The following NRXN3 variants were observed in gnomAD, a reference collection of about 807,000 sequenced individuals.
The protein encoded by NRXN3 is neurexin 3, also known as neurexin III.
A neutral mutation model predicts 137.6 loss-of-function variants in NRXN3; 32 were observed. That is an observed-to-expected ratio of 0.23 (90% CI 0.18 to 0.31). The LOEUF is 0.31. Among genes scored for constraint, NRXN3 ranks in the 10% least tolerant of loss-of-function variants. The pLI is 1.00. For missense variants in NRXN3, 1,574 were observed against 2,062.5 expected (o/e 0.76, Z 4.59); for synonymous variants, 798 against 784.5 (o/e 1.02, Z -0.29).
rs201384388 is a variant in NRXN3 at position 78,709,522 on chromosome 14, C to T, written c.1527C>T (p.Ala509=). The T allele has an allele frequency of 3.9e-4, 626 of 1,614,032 alleles. No individual in the cohort carries two copies. Among genetic ancestry groups the T allele is most frequent in the Non-Finnish European group, 4.6e-4 (548 of 1,179,996 alleles). ...AGAATACAAAAGTAGACTTCTTTGCCGTGGAACTCCTCGATGGCAACCTGT... is the reference window on the plus strand; with the variant it reads ...AGAATACAAAAGTAGACTTCTTTGCTGTGGAACTCCTCGATGGCAACCTGT... ...SQKNTKVDFF[A]VELLDGNLYL... The change falls in exon 7 of 21, where the codon GCC becomes GCT. Residue 509 remains alanine (A), a synonymous_variant. Coordinates refer to ENST00000335750, the MANE Select transcript of NRXN3 (RefSeq NM_001330195.2).
chr14:79,192,353 A>T (rs1422761856), intron 15 of NRXN3, among the ~76,000 whole-genome samples: 1 of 152,170 alleles, frequency 6.6e-6, no homozygotes, highest in Non-Finnish European at 1.5e-5. Context: ...TAAATATTCA[A>T]CCTATAGTCA....
chr14:79,183,232 T>C (rs529853686), intron 15 of NRXN3, among the ~76,000 whole-genome samples: 1 of 152,338 alleles, frequency 6.6e-6, no homozygotes, highest in African/African-American at 2.4e-5. Flanking sequence ...AAAACCTCAT[T>C]GCTCTGCTTG....
chr14:78,192,436 C>T (rs906344034), intron 1 of NRXN3, among the ~76,000 whole-genome samples: 4 of 152,080 alleles, frequency 2.6e-5, no homozygotes, highest in African/African-American at 7.2e-5. Context: ...AGCCTCTCTC[C>T]GTTCTGTTTC....
At chr14:78,400,139 A>G (rs1334386231) in intron 4 of NRXN3, among the ~76,000 whole-genome samples, 1 of 152,248 alleles carries the variant, frequency 6.6e-6, no homozygotes, top group Non-Finnish European at 1.5e-5. Flanking sequence ...TGATGCAGCC[A>G]TGGCAGAAAA....
intron 16 of NRXN3, among the ~76,000 whole-genome samples, chr14:79,548,328 G>T (rs1320000253): frequency 6.6e-6 from 1 of 152,080 alleles, no homozygotes; most frequent in Non-Finnish European, 1.5e-5. Context: ...TGAGAATGAT[G>T]GTTTCCAGCT....
intron 19 of NRXN3, among the ~76,000 whole-genome samples, chr14:79,782,615 T>C (rs2099117307): frequency 1.3e-5 from 2 of 152,206 alleles, no homozygotes; most frequent in African/African-American, 4.8e-5. Context: ...ATTTGGTATA[T>C]GATTTTCATG....
At chr14:79,215,695 G>A (rs575267767) in intron 15 of NRXN3, among the ~76,000 whole-genome samples, 3 of 152,082 alleles carry the variant, frequency 2.0e-5, no homozygotes, top group Non-Finnish European at 4.4e-5. Flanking sequence ...AGTCCCTCCC[G>A]CAACATGAGG....
chr14:78,387,065 G>A (rs1386968716), intron 4 of NRXN3, among the ~76,000 whole-genome samples: 1 of 152,030 alleles, frequency 6.6e-6, no homozygotes, highest in Non-Finnish European at 1.5e-5. Flanking sequence ...ACAGGTGTGA[G>A]CCACCGCACC....
At chr14:79,073,635 TA>T (rs1263947924) in intron 15 of NRXN3, among the ~76,000 whole-genome samples, 3 of 152,192 alleles carry the variant, frequency 2.0e-5, no homozygotes, top group Non-Finnish European at 4.4e-5. Context: ...CTTTTCTTTT[TA>T]TTCCCTTCCC....
At chr14:79,025,501 C>T (rs564136635) in intron 15 of NRXN3, among the ~76,000 whole-genome samples, 1 of 152,176 alleles carries the variant, frequency 6.6e-6, no homozygotes, top group East Asian at 1.9e-4. Flanking sequence ...AACTGTATGC[C>T]CTACTAAAAG....
In NRXN3 at chr14:79,075,799, T is replaced by C. The variant is rs73322878; in HGVS notation, c.3262+87658T>C. On this transcript the variant is annotated intron_variant, in intron 15 of 20. Coordinates refer to ENST00000335750, the MANE Select transcript of NRXN3 (RefSeq NM_001330195.2). Reference sequence around the variant, plus strand: ...ACAAAGAGCCATTCTTGGCCCTCAATGTGTGTGGCAGGCGGGGAGGCAGGA... The same window carrying C: ...ACAAAGAGCCATTCTTGGCCCTCAACGTGTGTGGCAGGCGGGGAGGCAGGA... Among the ~76,000 whole-genome samples the C allele has an allele frequency of 8.1e-3, 1,226 of 152,246 alleles. 13 individuals carry two copies. The highest frequency in any genetic ancestry group is 0.028 in the African/African-American group (1,149 of 41,554).
intron 4 of NRXN3, among the ~76,000 whole-genome samples, chr14:78,412,854 G>T (rs2092913632): frequency 1.3e-5 from 2 of 152,200 alleles, no homozygotes; most frequent in African/African-American, 4.8e-5. Context: ...TGGTGGTGAG[G>T]TTGGGAAGCC....
rs140522916 is a variant in NRXN3 at position 79,181,808 on chromosome 14, A to G, written c.3262+193667A>G. On this transcript the variant is annotated intron_variant, in intron 15 of 20. Coordinates refer to ENST00000335750, the MANE Select transcript of NRXN3 (RefSeq NM_001330195.2). ...CATCTCAATCATTGATTCCAGCCAC[A>G]TGCCATCATAAGCGCTTTAAGGAGA... Among the ~76,000 whole-genome samples, 1,193 of 152,190 alleles carry G rather than the reference A, an allele frequency of 7.8e-3. 9 individuals are homozygous for G. The highest frequency in any genetic ancestry group is 0.027 in the African/African-American group (1,120 of 41,522).
In NRXN3 at chr14:79,414,351, G is replaced by A. The variant is rs2095466147; in HGVS notation, c.3263-52870G>A. Among the ~76,000 whole-genome samples, 3 of 152,026 alleles carry A rather than the reference G, an allele frequency of 2.0e-5. No individual in the cohort carries two copies. The South Asian group carries it at 6.2e-4, about 32-fold the overall frequency. Reference sequence around the variant, plus strand: ...CTTTTCTTATGAAAAGTTTGACTCAGGTCAAATAGGGTGTCTTTTTTTGTT... The same window carrying A: ...CTTTTCTTATGAAAAGTTTGACTCAAGTCAAATAGGGTGTCTTTTTTTGTT... On this transcript the variant is annotated intron_variant, in intron 15 of 20. Transcript: ENST00000335750.
chr14:79,347,842 A>G (rs1464162630), intron 15 of NRXN3, among the ~76,000 whole-genome samples: 1 of 152,220 alleles, frequency 6.6e-6, no homozygotes, highest in African/African-American at 2.4e-5. Context: ...AGTTTTAGAA[A>G]TATGTGGAAA....
At chr14:79,063,863 ATTGAC>A (rs1293241186) in intron 15 of NRXN3, among the ~76,000 whole-genome samples, 3 of 152,188 alleles carry the variant, frequency 2.0e-5, no homozygotes, top group African/African-American at 7.2e-5. Context: ...CTTTTTGTAT[ATTGAC>A]TTGAGAAAAA....
chr14:78,695,846 G>T (rs774385919), intron 6 of NRXN3: 1 of 152,064 alleles, frequency 6.6e-6, no homozygotes, highest in African/African-American at 2.4e-5. Flanking sequence ...CTATGAGCTC[G>T]AGTGGGCAAC....
chr14:78,350,062 T>A (rs1436170474), intron 4 of NRXN3, among the ~76,000 whole-genome samples: 2 of 152,072 alleles, frequency 1.3e-5, no homozygotes, highest in African/African-American at 2.4e-5. Context: ...CTGAGGCAGG[T>A]GGATCACCTG....
At position 79,866,098 on chromosome 14, in the gene NRXN3, A is replaced by C. The variant is rs2099417974; in HGVS notation, c.*4134A>C. 1 of 152,188 alleles carries C rather than the reference A, an allele frequency of 6.6e-6. No individual in the cohort carries two copies. The highest frequency in any genetic ancestry group is 6.5e-5 in the Admixed American group (1 of 15,276). The allele number at this position is 152,188 out of a possible 1,614,324, so 9.4% of individuals were successfully genotyped here. A position where few individuals can be genotyped will look rare whatever the true frequency, so the allele number is the denominator to read the frequency against. On this transcript the variant is annotated 3_prime_UTR_variant, in exon 21 of 21. Transcript: ENST00000335750. ...GGCAGAAAATGGCTAGAAGGATTTT[A>C]AGCCTTTTTGTCTCTTGTATAAATC...
Sources: gnomAD v4.1 joint callset for allele counts (sites outside exome capture counted in the v4.1 genomes callset) on GRCh38, gnomAD v4.1.1 for gene constraint, MANE v1.5 for transcripts, NCBI Gene and HGNC (gene_info 2026-07-23, HGNC 2026-07-21) for gene names.